The following RRBP1 variants were observed in gnomAD, a reference collection of about 807,000 sequenced individuals.
RRBP1 encodes the protein ribosome-binding protein 1.
In RRBP1, 94 loss-of-function variants were observed where a neutral mutation model predicts 165.2. That is an observed-to-expected ratio of 0.57 (90% confidence interval 0.48 to 0.68). The LOEUF (loss-of-function observed/expected upper bound fraction) is 0.68. RRBP1 is among the 30% of genes least tolerant of loss of function. RRBP1 has a pLI of 0.00. For missense variants in RRBP1, 1,676 were observed against 1,763.0 expected, an observed-to-expected ratio of 0.95 and a Z score of 0.88; for synonymous variants, 680 against 714.5, an observed-to-expected ratio of 0.95 and a Z score of 0.77.
intron 24 of RRBP1, among the ~76,000 whole-genome samples, 176 bp from the exon 25 acceptor site, chr20:17,614,396 G>A: frequency 6.6e-6 from 1 of 152,130 alleles, no homozygotes; most frequent in East Asian, 1.9e-4. Context: ...GGACTTGGTG[G>A]GAGCTGAGGG....
chr20:17,623,766 T>C (rs1343387894), intron 13 of RRBP1, among the ~76,000 whole-genome samples: 1 of 152,012 alleles, frequency 6.6e-6, no homozygotes. Context: ...ACCCCATCTG[T>C]ACAAAACATG....
chr20:17,663,157 C>T (rs953000762), intron 2 of RRBP1, among the ~76,000 whole-genome samples: 5 of 152,168 alleles, frequency 3.3e-5, no homozygotes, highest in Admixed American at 6.5e-5. Flanking sequence ...TTTACCGAGT[C>T]GCGATTGGCA....
chr20:17,681,457 G>T (rs1175340880), intron 1 of RRBP1, among the ~76,000 whole-genome samples: 1 of 145,670 alleles, frequency 6.9e-6, no homozygotes, highest in African/African-American at 2.5e-5. Context: ...AAGCGCCAGC[G>T]GGCCGCGGCC....
In RRBP1 at chr20:17,641,917, G is replaced by A. The variant is rs114165623; in HGVS notation, c.2064C>T (p.Ala688=). 1.2e-4 allele frequency: 200 copies of A among 1,612,954 alleles called. No homozygotes were observed. The African/African-American group carries it at 2.3e-3, about 18-fold the overall frequency. ...AGIIQDTWHK[A]TQKGDPVAIL... ...TCGCCACAGGGTCACCCTTCTGAGT[G>A]GCCTAGAAATACCCAGAGATGCGTT... Residue 688 remains alanine (A), a splice_region_variant and synonymous_variant, in exon 5 of 25, where the codon GCC becomes GCT. Transcript: ENST00000377813.
At chr20:17,676,333 T>C (rs1488740731) in intron 2 of RRBP1, among the ~76,000 whole-genome samples, 1 of 152,178 alleles carries the variant, frequency 6.6e-6, no homozygotes, top group Non-Finnish European at 1.5e-5. Flanking sequence ...GGTACAGGTA[T>C]GAGACGGCGA....
rs113693978 is a variant in RRBP1, at chr20:17,614,249, G to C, written c.4195-29C>G. ...TGAACGAAGGCAGGTGGCGTGAGGGGGGCTGGGCCACGAGCCATGGCAGAA... is the reference window on the plus strand; with the variant it reads ...TGAACGAAGGCAGGTGGCGTGAGGGCGGCTGGGCCACGAGCCATGGCAGAA... On this transcript the variant is annotated intron_variant, in intron 24 of 24. Transcript: ENST00000377813. The C allele has an allele frequency of 2.5e-6, 4 of 1,610,554 alleles. No homozygotes were observed. In the African/African-American group the frequency reaches 5.3e-5, roughly 21 times the overall value.
chr20:17,644,446 C>A (rs886912630), intron 3 of RRBP1, among the ~76,000 whole-genome samples: 4 of 152,234 alleles, frequency 2.6e-5, no homozygotes, highest in African/African-American at 7.2e-5. Flanking sequence ...ATGCATGGCT[C>A]ACTCTCGGGA....
Position 17,615,539 on chromosome 20 carries a change from G to A in RRBP1, c.3952-10C>T, listed in dbSNP as rs768879883. 2.6e-5 allele frequency: 42 copies of A among 1,594,576 alleles called. No homozygotes were observed. The highest frequency in any genetic ancestry group is 5.3e-5 in the Admixed American group (3 of 56,196). ...ATGCCGAGGTCTGAGCCTTGCCGGA[G>A]AGGGAAGTGAGGTCTGGGTGAGACG... On this transcript the variant is annotated splice_polypyrimidine_tract_variant and intron_variant, in intron 22 of 24. Coordinates refer to ENST00000377813, the MANE Select transcript of RRBP1 (RefSeq NM_001365613.2).
At chr20:17,652,622 G>A (rs908592822) in intron 3 of RRBP1, among the ~76,000 whole-genome samples, 5 of 152,104 alleles carry the variant, frequency 3.3e-5, no homozygotes, top group African/African-American at 9.7e-5. Context: ...CAGCCCACCC[G>A]GAGTTCTGCC....
chr20:17,659,647 G>T lies in RRBP1; in HGVS notation c.861C>A (p.Thr287=). The change falls in exon 3 of 25, where the codon ACC becomes ACA. Residue 287 remains threonine, a synonymous_variant. Coordinates refer to ENST00000377813, the MANE Select transcript of RRBP1 (RefSeq NM_001365613.2). Reference sequence around the variant, plus strand: ...GAGCCCCCTCGGCCTTTCTGCCCTGGGTTGGGGCCCCCTCCACCTTTTTCC... The same window carrying T: ...GAGCCCCCTCGGCCTTTCTGCCCTGTGTTGGGGCCCCCTCCACCTTTTTCC... ...NQGKKVEGAP[T]QGRKAEGAQN... The T allele has an allele frequency of 6.5e-7, 1 of 1,549,786 alleles. No homozygotes were observed. Among genetic ancestry groups the T allele is most frequent in the Non-Finnish European group, 8.7e-7 (1 of 1,146,822 alleles).
chr20:17,676,347 G>A (rs182113168), intron 2 of RRBP1, among the ~76,000 whole-genome samples: 2 of 152,322 alleles, frequency 1.3e-5, no homozygotes, highest in East Asian at 1.9e-4. Context: ...ACGGCGAGGA[G>A]TTAAGGATAA....
chr20:17,645,696 G>A (rs1247720818), intron 3 of RRBP1, among the ~76,000 whole-genome samples: 2 of 152,256 alleles, frequency 1.3e-5, no homozygotes, highest in African/African-American at 2.4e-5. Context: ...ACTAACGGGA[G>A]CCTAAGGCGT....
intron 9 of RRBP1, among the ~76,000 whole-genome samples, chr20:17,629,161 G>A (rs935495321): frequency 2.6e-5 from 4 of 152,240 alleles, no homozygotes; most frequent in Admixed American, 6.5e-5. Context: ...GTCCTTGCAG[G>A]TGACTCTGTC....
chr20:17,670,147 T>C (rs1024181211), intron 2 of RRBP1, among the ~76,000 whole-genome samples: 1 of 152,214 alleles, frequency 6.6e-6, no homozygotes, highest in African/African-American at 2.4e-5. Flanking sequence ...ATCAAATACT[T>C]TATCTGTATC....
chr20:17,661,770 T>C (rs2036770810), intron 2 of RRBP1, among the ~76,000 whole-genome samples: 1 of 152,102 alleles, frequency 6.6e-6, no homozygotes, highest in Non-Finnish European at 1.5e-5. Flanking sequence ...CTAGATGCTG[T>C]GGGAGACTGG....
chr20:17,621,493 C>T lies in RRBP1; in HGVS notation c.3379G>A (p.Glu1127Lys), dbSNP rs753462822. The T allele has an allele frequency of 1.1e-5, 18 of 1,612,688 alleles. No homozygotes were observed. The highest frequency in any genetic ancestry group is 4.5e-5 in the East Asian group (2 of 44,888). Residue 1127 changes from glutamate (E) to lysine (K), a missense_variant, in exon 16 of 25, where the codon GAG (glutamate) becomes AAG (lysine). By Grantham distance (56) the Glu-to-Lys change is moderately conservative (BLOSUM62 1). Around this residue, in one of 5 missense-constraint regions of RRBP1, gnomAD observed 1,184 missense variants for 1,167.1 expected, o/e 1.01. Coordinates refer to ENST00000377813, the MANE Select transcript of RRBP1 (RefSeq NM_001365613.2). ...AEETQSTLQA[E>K]CDQYRSILAE... is the part of the protein sequence containing the mutation. ...AGGATGCTGCGGTACTGGTCACACT[C>T]GGCCTGCAGTGTGCTCTGCGTCTCC...
intron 2 of RRBP1, among the ~76,000 whole-genome samples, chr20:17,672,349 A>G: frequency 6.6e-6 from 1 of 152,346 alleles, no homozygotes; most frequent in African/African-American, 2.4e-5. Flanking sequence ...TCACCTGCTC[A>G]TCAGCAATAA....
At chr20:17,645,333 T>C (rs2036445027) in intron 3 of RRBP1, among the ~76,000 whole-genome samples, 1 of 152,226 alleles carries the variant, frequency 6.6e-6, no homozygotes, top group Non-Finnish European at 1.5e-5. Context: ...TTATTAAAAC[T>C]TTCTAACGTA....
chr20:17,618,755 C>T (rs556604624), intron 19 of RRBP1, 76 bp from the exon 20 acceptor site: 98 of 1,165,774 alleles, frequency 8.4e-5, no homozygotes, highest in Admixed American at 1.1e-4. Context: ...GAGTTAGCGC[C>T]GAAACATAAA....
Sources: allele counts gnomAD v4.1 joint callset (sites outside exome capture counted in the v4.1 genomes callset), GRCh38; gene constraint gnomAD v4.1.1; regional missense constraint gnomAD v4.1.1; transcripts MANE v1.5; gene names NCBI Gene and HGNC (gene_info 2026-07-23, HGNC 2026-07-21).